Variants in CLSTN2 observed in about 807,000 individuals in gnomAD.
The protein encoded by CLSTN2 is calsyntenin 2, also known as calsyntenin-2.
A neutral mutation model predicts 101.2 loss-of-function variants in CLSTN2; 48 were observed. The ratio of observed to expected loss-of-function variants is 0.47; its 90% CI spans 0.38 to 0.60. The LOEUF (loss-of-function observed/expected upper bound fraction) is 0.60, where lower values mean the gene tolerates loss of function less well. Ranked by LOEUF, CLSTN2 falls within the 20% of genes least tolerant of loss-of-function variation. The probability of loss-of-function intolerance (pLI) is 0.00; values close to 1 mark genes in which losing one functional copy is unlikely to be tolerated. For missense variants in CLSTN2, 1,160 were observed against 1,238.2 expected (o/e 0.94, Z 0.95); for synonymous variants, 481 against 463.6 (o/e 1.04, Z -0.48).
intron 1 of CLSTN2, among the ~76,000 whole-genome samples, chr3:140,038,198 G>T (rs774828460): frequency 2.0e-5 from 3 of 151,970 alleles, no homozygotes; most frequent in Non-Finnish European, 2.9e-5. Context: ...CTGCAACCTT[G>T]CCAGCATCTG....
At chr3:140,351,351 A>T (rs1337896630) in intron 2 of CLSTN2, among the ~76,000 whole-genome samples, 1 of 152,220 alleles carries the variant, frequency 6.6e-6, no homozygotes, top group Non-Finnish European at 1.5e-5. Context: ...AGTGAGATAC[A>T]AAGCTGGTTC....
At chr3:140,200,697 C>G (rs889694412) in intron 2 of CLSTN2, among the ~76,000 whole-genome samples, 14 of 152,144 alleles carry the variant, frequency 9.2e-5, no homozygotes, top group African/African-American at 3.4e-4. Context: ...TGTATATAAT[C>G]AAACATTTGA....
chr3:140,195,926 A>T (rs2010637357), intron 2 of CLSTN2, among the ~76,000 whole-genome samples: 1 of 152,232 alleles, frequency 6.6e-6, no homozygotes, highest in African/African-American at 2.4e-5. Flanking sequence ...AATGAATGAG[A>T]CAGATAAGGA....
intron 2 of CLSTN2, among the ~76,000 whole-genome samples, chr3:140,240,303 T>TACACACAC (rs10663002): frequency 7.1e-6 from 1 of 141,732 alleles, no homozygotes; most frequent in Non-Finnish European, 1.5e-5. Context: ...CATATATATA[T>TACACACAC]ATACACACAC....
chr3:140,469,686 C>A (rs12636522), intron 8 of CLSTN2, among the ~76,000 whole-genome samples: 25,956 of 152,114 alleles, frequency 0.17, 2,624 homozygotes, highest in East Asian at 0.43. Flanking sequence ...AGGGCACGGT[C>A]GTGTCTTACT....
At chr3:140,371,350 ATTCAC>A (rs2087854072) in intron 2 of CLSTN2, among the ~76,000 whole-genome samples, 1 of 141,530 alleles carries the variant, frequency 7.1e-6, no homozygotes, top group Admixed American at 6.9e-5. Flanking sequence ...GGGAAAACCT[ATTCAC>A]TGGAACACAG....
rs138464646 is a variant in CLSTN2 at position 140,558,399 on chromosome 3, C to T, written c.1824-241C>T. Among the ~76,000 whole-genome samples, 439 of 152,270 alleles carry T rather than the reference C, an allele frequency of 2.9e-3. 4 individuals carry two copies. Among genetic ancestry groups the T allele is most frequent in the Middle Eastern group, 0.014 (4 of 294 alleles). On this transcript the variant is annotated intron_variant, in intron 11 of 16. Transcript: ENST00000458420. Reference sequence around the variant, plus strand: ...AGGATAATGAAAGGTTTCATGGTTACGTGTTGCTCATATAGAAAATTCCCA... The same window carrying T: ...AGGATAATGAAAGGTTTCATGGTTATGTGTTGCTCATATAGAAAATTCCCA...
chr3:140,557,495 T>C (rs1260265968), intron 11 of CLSTN2, among the ~76,000 whole-genome samples: 4 of 152,050 alleles, frequency 2.6e-5, no homozygotes, highest in Non-Finnish European at 4.4e-5. Flanking sequence ...AGAGTGAAGA[T>C]GAGAGAACAA....
intron 5 of CLSTN2, among the ~76,000 whole-genome samples, chr3:140,442,980 G>A (rs769768701): frequency 2.6e-5 from 4 of 152,216 alleles, no homozygotes; most frequent in Non-Finnish European, 4.4e-5. Flanking sequence ...CCAAATCAAA[G>A]CCATTCATCC....
chr3:140,557,315 G>C (rs1295660936), intron 11 of CLSTN2, among the ~76,000 whole-genome samples: 1 of 152,274 alleles, frequency 6.6e-6, no homozygotes, highest in Non-Finnish European at 1.5e-5. Context: ...GAGGAACAAG[G>C]GTGGGAAAGA....
At chr3:140,488,086 C>A (rs1328483602) in intron 8 of CLSTN2, among the ~76,000 whole-genome samples, 1 of 152,074 alleles carries the variant, frequency 6.6e-6, no homozygotes, top group African/African-American at 2.4e-5. Context: ...CCACATCTAG[C>A]AACAGTATGT....
chr3:140,497,586 C>G (rs1265829595), intron 8 of CLSTN2, among the ~76,000 whole-genome samples: 1 of 152,190 alleles, frequency 6.6e-6, no homozygotes, highest in East Asian at 1.9e-4. Flanking sequence ...GCTGGAATTC[C>G]AAGCCAGTGG....
intron 1 of CLSTN2, among the ~76,000 whole-genome samples, chr3:140,004,592 T>G (rs1560067447): frequency 3.3e-5 from 5 of 152,226 alleles, no homozygotes; most frequent in Admixed American, 2.6e-4. Flanking sequence ...CTGCTGTTCA[T>G]GGACTTTCAG....
chr3:140,015,844 G>A (rs2007189532), intron 1 of CLSTN2, among the ~76,000 whole-genome samples: 1 of 152,230 alleles, frequency 6.6e-6, no homozygotes, highest in Non-Finnish European at 1.5e-5. Context: ...GTCAGCCTCT[G>A]CTCCACCTTT....
chr3:140,234,106 C>T (rs1349376191), intron 2 of CLSTN2, among the ~76,000 whole-genome samples: 1 of 152,212 alleles, frequency 6.6e-6, no homozygotes, highest in African/African-American at 2.4e-5. Context: ...CAGCCCTGTG[C>T]TGCTGAGATT....
At chr3:140,106,770 AT>A (rs1490522099) in intron 1 of CLSTN2, among the ~76,000 whole-genome samples, 6 of 152,218 alleles carry the variant, frequency 3.9e-5, no homozygotes, top group Non-Finnish European at 1.5e-5. Flanking sequence ...AAATAGCAAA[AT>A]TTCTTGGTAG....
At chr3:140,161,488 G>A (rs566990296) in intron 1 of CLSTN2, among the ~76,000 whole-genome samples, 4 of 152,212 alleles carry the variant, frequency 2.6e-5, no homozygotes, top group African/African-American at 9.6e-5. Context: ...AGAATCAGAG[G>A]CTCTATTACC....
At chr3:140,008,486 A>G (rs1041968721) in intron 1 of CLSTN2, among the ~76,000 whole-genome samples, 1 of 152,230 alleles carries the variant, frequency 6.6e-6, no homozygotes, top group African/African-American at 2.4e-5. Context: ...AGCAGGAGCC[A>G]TGCTGCTTGT....
intron 1 of CLSTN2, among the ~76,000 whole-genome samples, chr3:140,163,375 C>A (rs142518203): frequency 5.3e-5 from 8 of 151,368 alleles, no homozygotes; most frequent in African/African-American, 1.5e-4. Flanking sequence ...ATTTGCTAAC[C>A]CCCCACAAAA....
Sources: gnomAD v4.1 joint callset for allele counts (sites outside exome capture counted in the v4.1 genomes callset) on GRCh38, gnomAD v4.1.1 for gene constraint, MANE v1.5 for transcripts, NCBI Gene and HGNC (gene_info 2026-07-23, HGNC 2026-07-21) for gene names.